CBLB: variants seen among roughly 807,000 people sequenced by gnomAD.
CBLB encodes Cbl proto-oncogene B, also known as E3 ubiquitin-protein ligase CBL-B.
CBLB carries 31 observed loss-of-function variants against 104.9 expected under a neutral mutation model. The observed-to-expected ratio is 0.30, with a 90% CI of 0.22 to 0.40. The LOEUF (loss-of-function observed/expected upper bound fraction) is 0.40, where lower values mean the gene tolerates loss of function less well. Ranked by LOEUF, CBLB falls within the 10% of genes least tolerant of loss-of-function variation. CBLB has a pLI of 1.00. For synonymous variants in CBLB, 440 were observed against 422.6 expected, an observed-to-expected ratio of 1.04 and a Z score of -0.51; for missense variants, 1,062 against 1,214.6, an observed-to-expected ratio of 0.87 and a Z score of 1.87.
At chr3:105,787,032 G>A (rs952434889) in intron 3 of CBLB, among the ~76,000 whole-genome samples, 1 of 152,170 alleles carries the variant, frequency 6.6e-6, no homozygotes, top group Non-Finnish European at 1.5e-5. Flanking sequence ...TTAAAGCATT[G>A]AGACTATGCC....
intron 2 of CBLB, among the ~76,000 whole-genome samples, chr3:105,866,792 A>C (rs1446005066): frequency 3.3e-5 from 5 of 152,150 alleles, no homozygotes; most frequent in Non-Finnish European, 7.4e-5. Context: ...CACCACCCCC[A>C]ACATAAATTT....
intron 4 of CBLB, among the ~76,000 whole-genome samples, chr3:105,770,780 A>G (rs1028127671): frequency 1.3e-5 from 2 of 152,130 alleles, no homozygotes; most frequent in Non-Finnish European, 2.9e-5. Context: ...GACTACCTGG[A>G]TCTAAACCAA....
At chr3:105,763,711 A>C (rs758848723) in intron 4 of CBLB, among the ~76,000 whole-genome samples, 1 of 152,236 alleles carries the variant, frequency 6.6e-6, no homozygotes, top group Non-Finnish European at 1.5e-5. Context: ...ATTAAGTCAC[A>C]CTTTCTCTAC....
chr3:105,810,792 T>G (rs2084183499), intron 3 of CBLB, among the ~76,000 whole-genome samples: 1 of 152,166 alleles, frequency 6.6e-6, no homozygotes, highest in Non-Finnish European at 1.5e-5. Context: ...CTATATTAAT[T>G]TCTTTGTACT....
intron 12 of CBLB, among the ~76,000 whole-genome samples, chr3:105,695,464 T>G (rs1417617572): frequency 6.6e-6 from 1 of 151,802 alleles, no homozygotes; most frequent in Non-Finnish European, 1.5e-5. Flanking sequence ...TGTACTACTA[T>G]TAAATTTCAT....
chr3:105,658,773 A>G lies in CBLB; in HGVS notation c.*197T>C. 1 of 600,666 alleles carries G rather than the reference A, an allele frequency of 1.7e-6. No individual in the cohort carries two copies. Among genetic ancestry groups the G allele is most frequent in the Non-Finnish European group, 2.9e-6 (1 of 343,236 alleles). The allele number at this position is 600,666 out of a possible 1,614,324, so 37.2% of individuals were successfully genotyped here. A position where few individuals can be genotyped will look rare whatever the true frequency, so the allele number is the denominator to read the frequency against. On this transcript the variant is annotated 3_prime_UTR_variant, in exon 19 of 19. Coordinates refer to ENST00000394030, the MANE Select transcript of CBLB (RefSeq NM_170662.5). ...ACCCTGATTTAAAAATATGGCTAGC[A>G]AAAACAAGGAAGCCACAGCTGTCGA... is the stretch of plus-strand genomic sequence containing the variant.
chr3:105,713,913 A>G (rs1394576529), intron 10 of CBLB, among the ~76,000 whole-genome samples: 1 of 152,150 alleles, frequency 6.6e-6, no homozygotes, highest in Non-Finnish European at 1.5e-5. Flanking sequence ...TTCCCACTCA[A>G]TGCCAGCAGT....
rs1390735564 is a variant in CBLB, at chr3:105,821,941, A to T, written c.419+31473T>A. Among the ~76,000 whole-genome samples the T allele has an allele frequency of 2.6e-5, 4 of 152,116 alleles. No homozygotes were observed. The East Asian group carries it at 7.7e-4, about 29-fold the overall frequency. On this transcript the variant is annotated intron_variant, in intron 3 of 18. Transcript: ENST00000394030. ...GTGTATCTCTGCTTGCCTCAATGTTATGATACTAAACACATCTTTCTGCAT... is the reference window on the plus strand; with the variant it reads ...GTGTATCTCTGCTTGCCTCAATGTTTTGATACTAAACACATCTTTCTGCAT...
At chr3:105,765,130 G>T (rs1257776205) in intron 4 of CBLB, among the ~76,000 whole-genome samples, 1 of 152,102 alleles carries the variant, frequency 6.6e-6, no homozygotes, top group Non-Finnish European at 1.5e-5. Context: ...TGATGAATGT[G>T]GCTACACAAA....
chr3:105,773,630 C>A (rs2079122623), intron 4 of CBLB, among the ~76,000 whole-genome samples: 2 of 152,084 alleles, frequency 1.3e-5, no homozygotes, highest in Admixed American at 1.3e-4. Context: ...ATATATTTTT[C>A]GAGCTTCATG....
At chr3:105,790,670 G>T (rs926035138) in intron 3 of CBLB, among the ~76,000 whole-genome samples, 4 of 152,162 alleles carry the variant, frequency 2.6e-5, no homozygotes, top group South Asian at 2.1e-4. Context: ...GTCATTCAAG[G>T]TGCTTCCAAA....
rs147156324 is a variant in CBLB at position 105,861,684 on chromosome 3, T to TACACACACAC, written c.168+5716_168+5725dup. Reference sequence around the variant, plus strand: ...ACCTCTCCTATGGTGTGTGCACACATACACACACACACACACACACACATA... The same window carrying TACACACACAC: ...ACCTCTCCTATGGTGTGTGCACACATACACACACACACACACACACACACACACACACATA... On this transcript the variant is annotated intron_variant, in intron 2 of 18. Transcript: ENST00000394030. 3.4e-5 allele frequency among the ~76,000 whole-genome samples: 5 copies of TACACACACAC among 145,100 alleles called. No individual in the cohort carries two copies. In the South Asian group the frequency reaches 8.8e-4, roughly 26 times the overall value.
At chr3:105,698,784 A>G (rs1263984997) in intron 12 of CBLB, among the ~76,000 whole-genome samples, 1 of 152,110 alleles carries the variant, frequency 6.6e-6, no homozygotes, top group Non-Finnish European at 1.5e-5. Context: ...TACTATTTTC[A>G]TTAAAAATCT....
chr3:105,783,806 G>A (rs1022102603), intron 3 of CBLB, among the ~76,000 whole-genome samples: 1 of 152,156 alleles, frequency 6.6e-6, no homozygotes, highest in African/African-American at 2.4e-5. Context: ...GAGTGAAGGT[G>A]AATTAGGCCA....
chr3:105,675,923 ACC>A, intron 17 of CBLB, among the ~76,000 whole-genome samples: 1 of 148,246 alleles, frequency 6.7e-6, no homozygotes, highest in Admixed American at 6.7e-5. Context: ...AGGATCTGGT[ACC>A]AGACTAGAAA....
At chr3:105,661,385 T>G (rs746713354) in intron 18 of CBLB, among the ~76,000 whole-genome samples, 3 of 152,194 alleles carry the variant, frequency 2.0e-5, no homozygotes, top group Non-Finnish European at 4.4e-5. Flanking sequence ...ATGTTTTGCT[T>G]TTAATCATTT....
At chr3:105,680,085 A>C (rs1324349811) in intron 16 of CBLB, among the ~76,000 whole-genome samples, 1 of 152,182 alleles carries the variant, frequency 6.6e-6, no homozygotes, top group Non-Finnish European at 1.5e-5. Flanking sequence ...TTTACAAGTG[A>C]AAGTGTTTTA....
intron 6 of CBLB, among the ~76,000 whole-genome samples, chr3:105,742,443 A>C (rs1193780819): frequency 1.3e-5 from 2 of 152,202 alleles, no homozygotes. Context: ...TATATTGGTG[A>C]TAGAATCTTT....
intron 9 of CBLB, among the ~76,000 whole-genome samples, chr3:105,723,376 G>A (rs146232798): frequency 9.9e-5 from 15 of 152,162 alleles, no homozygotes; most frequent in African/African-American, 1.9e-4. Flanking sequence ...TGAGGACTCC[G>A]TCTATTCTAA....
Sources: gnomAD v4.1 joint callset for allele counts (sites outside exome capture counted in the v4.1 genomes callset) on GRCh38, gnomAD v4.1.1 for gene constraint, MANE v1.5 for transcripts, NCBI Gene and HGNC (gene_info 2026-07-23, HGNC 2026-07-21) for gene names.